Variants in FARS2 observed in about 807,000 individuals in gnomAD.
FARS2 encodes phenylalanine--tRNA ligase, mitochondrial.
FARS2 carries 40 observed loss-of-function variants against 46.4 expected under a neutral mutation model. The ratio of observed to expected loss-of-function variants is 0.86; its 90% CI spans 0.67 to 1.12. The LOEUF (loss-of-function observed/expected upper bound fraction) is 1.12, where lower values mean the gene tolerates loss of function less well. Among genes scored for constraint, FARS2 ranks in the 50% most tolerant of loss-of-function variants. The pLI is 0.00. For missense variants in FARS2, 513 were observed against 567.9 expected (o/e 0.90, Z 0.98); for synonymous variants, 234 against 214.9 (o/e 1.09, Z -0.78).
intron 1 of FARS2, among the ~76,000 whole-genome samples, chr6:5,275,957 G>A (rs1000207639): frequency 1.3e-5 from 2 of 152,156 alleles, no homozygotes; most frequent in Non-Finnish European, 2.9e-5. Context: ...AGAGCCCCTA[G>A]TAGTGAATGT....
chr6:5,457,392 C>G (rs986652411), intron 4 of FARS2, among the ~76,000 whole-genome samples: 5 of 152,328 alleles, frequency 3.3e-5, no homozygotes, highest in Admixed American at 2.6e-4. Context: ...GCTGCACCAT[C>G]CACAGCTGCG....
chr6:5,338,747 A>G (rs1410904908), intron 1 of FARS2, among the ~76,000 whole-genome samples: 3 of 152,124 alleles, frequency 2.0e-5, no homozygotes, highest in East Asian at 3.8e-4. Flanking sequence ...CACAGTTTTC[A>G]TGGCTATATC....
rs530880339 is a variant in FARS2, at chr6:5,480,798, ATCCTTCC to A, written c.904+49638_904+49644del. On this transcript the variant is annotated intron_variant, in intron 4 of 6. Transcript: ENST00000274680. ...CTGACTGAGTTGCCTGCAATCTTTT[ATCCTTCC>A]TCCTTCCTCCTAGGTTTAACTGCAT... Among the ~76,000 whole-genome samples, 3 of 152,214 alleles carry A rather than the reference ATCCTTCC, an allele frequency of 2.0e-5. No individual in the cohort carries two copies. In the East Asian group the frequency reaches 5.8e-4, roughly 29 times the overall value.
chr6:5,326,370 G>A (rs1375908892), intron 1 of FARS2, among the ~76,000 whole-genome samples: 2 of 152,232 alleles, frequency 1.3e-5, no homozygotes, highest in South Asian at 2.1e-4. Context: ...GACACTTGGT[G>A]AGGAACATCC....
chr6:5,663,117 A>G (rs1169232313), intron 6 of FARS2, among the ~76,000 whole-genome samples: 1 of 152,210 alleles, frequency 6.6e-6, no homozygotes, highest in Non-Finnish European at 1.5e-5. Flanking sequence ...AGTTTTTCAC[A>G]ATGTCTAAAA....
At position 5,764,045 on chromosome 6, in the gene FARS2, G is replaced by A. The variant is rs958475293; in HGVS notation, c.1218-7246G>A. ...TTACACTCTCCAATAAGCCACAGGA[G>A]TAAAGGAGGAAGATGGGGCGGATGC... is the stretch of plus-strand genomic sequence containing the variant. On this transcript the variant is annotated intron_variant, in intron 6 of 6. Coordinates refer to ENST00000274680, the MANE Select transcript of FARS2 (RefSeq NM_006567.5). This position sits in a 1 kb window ranked among gnomAD's most constrained non-coding sequence, Gnocchi z 4.1. 6.6e-6 allele frequency among the ~76,000 whole-genome samples: 1 copy of A among 152,116 alleles called. No individual in the cohort carries two copies. Among genetic ancestry groups the A allele is most frequent in the Non-Finnish European group, 1.5e-5 (1 of 68,022 alleles).
the FARS2 span, among the ~76,000 whole-genome samples, chr6:5,255,582 G>A: frequency 6.6e-6 from 1 of 151,968 alleles, no homozygotes; most frequent in African/African-American, 2.4e-5. Context: ...AACGTAAAAG[G>A]CCTAAGACCA....
intron 6 of FARS2, among the ~76,000 whole-genome samples, chr6:5,640,442 G>C (rs569824220): frequency 6.6e-6 from 1 of 152,184 alleles, no homozygotes; most frequent in Non-Finnish European, 1.5e-5. Context: ...AGCTTCCCCC[G>C]AGTTGGAGCA....
rs73358221 is a variant in FARS2 at position 5,544,326 on chromosome 6, T to C, written c.905-854T>C. Among the ~76,000 whole-genome samples the C allele has an allele frequency of 7.6e-3, 1,153 of 152,302 alleles. 14 individuals carry two copies. The highest frequency in any genetic ancestry group is 0.026 in the African/African-American group (1,096 of 41,562). ...CCCACCCATACTCAACGGGAGGAGT[T>C]TACACAAGGCATGTGCATGCGGGGT... On this transcript the variant is annotated intron_variant, in intron 4 of 6. Coordinates refer to ENST00000274680, the MANE Select transcript of FARS2 (RefSeq NM_006567.5).
chr6:5,322,531 T>A (rs1770054527), intron 1 of FARS2, among the ~76,000 whole-genome samples: 1 of 152,200 alleles, frequency 6.6e-6, no homozygotes, highest in Non-Finnish European at 1.5e-5. Context: ...TTGGATGCAT[T>A]AAGTGAGGGA....
At chr6:5,399,320 G>T (rs756370017) in intron 2 of FARS2, among the ~76,000 whole-genome samples, 3 of 151,836 alleles carry the variant, frequency 2.0e-5, no homozygotes, top group African/African-American at 7.3e-5. Context: ...GATCACAGAC[G>T]TGTGCCACCA....
At chr6:5,364,234 T>C (rs17140267) in intron 1 of FARS2, among the ~76,000 whole-genome samples, 1 of 152,166 alleles carries the variant, frequency 6.6e-6, no homozygotes, top group African/African-American at 2.4e-5. Context: ...TATAATCTTT[T>C]CATTATGAGA....
intron 4 of FARS2, among the ~76,000 whole-genome samples, chr6:5,455,478 G>A (rs569421828): frequency 4.6e-5 from 7 of 152,294 alleles, no homozygotes; most frequent in African/African-American, 1.7e-4. Flanking sequence ...CTAAGCAGCA[G>A]CGTTGTAAAT....
At chr6:5,748,076 A>G (rs1422948180) in intron 6 of FARS2, among the ~76,000 whole-genome samples, 1 of 152,108 alleles carries the variant, frequency 6.6e-6, no homozygotes, top group Non-Finnish European at 1.5e-5. Flanking sequence ...CCACATCCCA[A>G]GAAAACTCCC....
intron 1 of FARS2, among the ~76,000 whole-genome samples, chr6:5,299,641 C>T (rs1420394572): frequency 6.6e-6 from 1 of 152,176 alleles, no homozygotes; most frequent in Non-Finnish European, 1.5e-5. Flanking sequence ...CTCATCAACT[C>T]GTCATTTACA....
At chr6:5,726,896 G>T (rs558688115) in intron 6 of FARS2, among the ~76,000 whole-genome samples, 1 of 152,362 alleles carries the variant, frequency 6.6e-6, no homozygotes, top group African/African-American at 2.4e-5. Flanking sequence ...CTTCCAGGGT[G>T]AGCTTCCCGG....
intron 4 of FARS2, among the ~76,000 whole-genome samples, chr6:5,435,313 C>T (rs1763456968): frequency 6.6e-6 from 1 of 152,210 alleles, no homozygotes; most frequent in Non-Finnish European, 1.5e-5. Context: ...AGGGCTATGC[C>T]ACCATGTGTG....
intron 5 of FARS2, among the ~76,000 whole-genome samples, chr6:5,590,083 A>G (rs557551918): frequency 6.6e-6 from 1 of 152,360 alleles, no homozygotes; most frequent in South Asian, 2.1e-4. Flanking sequence ...ATCAAAATGT[A>G]TGTAAGGTTC....
chr6:5,359,137 T>C (rs1230598635), intron 1 of FARS2, among the ~76,000 whole-genome samples: 1 of 145,604 alleles, frequency 6.9e-6, no homozygotes, highest in African/African-American at 2.6e-5. Context: ...CCTCCCGGGT[T>C]CAAGCTATTC....
Sources: allele counts gnomAD v4.1 joint callset (sites outside exome capture counted in the v4.1 genomes callset), GRCh38; gene constraint gnomAD v4.1.1; non-coding constraint Gnocchi (gnomAD v3.1); transcripts MANE v1.5; gene names NCBI Gene and HGNC (gene_info 2026-07-23, HGNC 2026-07-21).